The following CHDH variants were observed in gnomAD, a reference collection of about 807,000 sequenced individuals.
CHDH encodes choline dehydrogenase.
Under a neutral mutation model 56.9 loss-of-function variants are expected in CHDH, and 43 were observed. The ratio of observed to expected loss-of-function variants is 0.76; its 90% confidence interval spans 0.59 to 0.97. CHDH has a LOEUF of 0.97. Ranked by LOEUF, CHDH falls within the 50% of genes least tolerant of loss-of-function variation. CHDH has a pLI of 0.00. For missense variants in CHDH, 816 were observed against 821.1 expected, an observed-to-expected ratio of 0.99 and a Z score of 0.08; for synonymous variants, 364 against 348.5, an observed-to-expected ratio of 1.04 and a Z score of -0.50.
Position 53,819,479 on chromosome 3 carries a change from T to G in CHDH, c.1263+53A>C. The G allele has an allele frequency of 6.4e-7, 1 of 1,559,010 alleles. No individual in the cohort carries two copies. Among genetic ancestry groups the G allele is most frequent in the South Asian group, 1.2e-5 (1 of 81,662 alleles). On this transcript the variant is annotated intron_variant, in intron 7 of 8. Coordinates refer to ENST00000315251, the MANE Select transcript of CHDH (RefSeq NM_018397.5). This position sits in a 1 kb window ranked among gnomAD's most constrained non-coding sequence, Gnocchi z 5.4. ...GCCTTGGAAGATGGGAGCATCTTCC[T>G]TCCTGGTGGGAAGGAGACATCCTGG... is the stretch of plus-strand genomic sequence containing the variant.
At position 53,821,613 on chromosome 3, in the gene CHDH, C is replaced by T. The variant is rs1559749609; in HGVS notation, c.985+34G>A. 2.5e-6 allele frequency: 4 copies of T among 1,599,472 alleles called. No individual in the cohort carries two copies. In the East Asian group the frequency reaches 8.9e-5, roughly 36 times the overall value. On this transcript the variant is annotated intron_variant, in intron 5 of 8. Transcript: ENST00000315251. ...CACTAAGCCTTTTGTTGAGCAGAGA[C>T]AGCCTCTGGGGAGCAGTAAAGAAGG...
At chr3:53,836,978 T>C (rs547126483) in intron 2 of CHDH, among the ~76,000 whole-genome samples, 12 of 152,136 alleles carry the variant, frequency 7.9e-5, no homozygotes, top group East Asian at 1.9e-4. Flanking sequence ...AGTTGAGGAG[T>C]TGAAGACCAG....
rs1203860489 is a variant in CHDH, at chr3:53,819,693, T to A, written c.1121-19A>T. On this transcript the variant is annotated intron_variant, in intron 6 of 8. Coordinates refer to ENST00000315251, the MANE Select transcript of CHDH (RefSeq NM_018397.5). The surrounding 1 kb of genome is among the most constrained non-coding windows in gnomAD (Gnocchi z 5.4). ...CCCTCCCCTGAGAAGCAGAAGAGGA[T>A]GAGGCAGAAGAGCCAGTCAGGCCGT... 1.9e-6 allele frequency: 3 copies of A among 1,575,378 alleles called. No individual in the cohort carries two copies. The South Asian group carries it at 3.5e-5, about 18-fold the overall frequency.
chr3:53,835,566 T>G (rs978959576), intron 2 of CHDH, among the ~76,000 whole-genome samples: 3 of 152,200 alleles, frequency 2.0e-5, no homozygotes, highest in Non-Finnish European at 1.5e-5. Context: ...TCACCTGCTT[T>G]TTTCCATCTG....
intron 2 of CHDH, among the ~76,000 whole-genome samples, chr3:53,826,310 T>C (rs72982055): frequency 0.02 from 2,645 of 135,410 alleles, 94 homozygotes; most frequent in African/African-American, 0.088. Flanking sequence ...ACAAAGACAT[T>C]ACAATAAAAA....
chr3:53,827,257 C>T (rs1366508643), intron 2 of CHDH, among the ~76,000 whole-genome samples: 4 of 152,210 alleles, frequency 2.6e-5, no homozygotes, highest in Admixed American at 2.0e-4. Context: ...TGTTTATAAG[C>T]GTGTGGCACC....
intron 8 of CHDH, 43 bp from the exon 9 acceptor site, chr3:53,818,238 G>T: frequency 6.6e-7 from 1 of 1,514,578 alleles, no homozygotes. Flanking sequence ...CCTTTTGCCC[G>T]TGCTGGCCTC....
At chr3:53,818,370 T>TA (rs1273492737) in intron 8 of CHDH, among the ~76,000 whole-genome samples, 175 bp from the exon 9 acceptor site, 2 of 152,182 alleles carry the variant, frequency 1.3e-5, no homozygotes, top group Non-Finnish European at 2.9e-5. Flanking sequence ...CACAGCGGGT[T>TA]AGACTGTACC....
At chr3:53,827,479 A>G (rs781446053) in intron 2 of CHDH, among the ~76,000 whole-genome samples, 123 of 145,656 alleles carry the variant, frequency 8.4e-4, no homozygotes, top group Admixed American at 2.4e-3. Context: ...TAAATATACC[A>G]TCTCTAAAAA....
At chr3:53,827,972 A>C (rs7647880) in intron 2 of CHDH, among the ~76,000 whole-genome samples, 51,986 of 151,994 alleles carry the variant, frequency 0.34, 14,584 homozygotes, top group African/African-American at 0.74. Context: ...ACTGACACTA[A>C]CCAACTTCAA....
At chr3:53,827,450 T>C (rs967821203) in intron 2 of CHDH, among the ~76,000 whole-genome samples, 1 of 151,952 alleles carries the variant, frequency 6.6e-6, no homozygotes. Flanking sequence ...TAGTTCTTTA[T>C]AGCAATGAGA....
At chr3:53,841,745 C>T (rs1559765197) in intron 1 of CHDH, among the ~76,000 whole-genome samples, 1 of 152,240 alleles carries the variant, frequency 6.6e-6, no homozygotes, top group Non-Finnish European at 1.5e-5. Flanking sequence ...TAGTGTAAGA[C>T]ATCAACCTGC....
At chr3:53,844,741 C>G in intron 1 of CHDH, 1 of 152,346 alleles carries the variant, frequency 6.6e-6, no homozygotes, top group East Asian at 1.9e-4. Context: ...TGAATGGCTG[C>G]CTGCTCGCTC....
In CHDH at chr3:53,819,741, G is replaced by C. The variant is rs2095622614; in HGVS notation, c.1121-67C>G. 62 of 1,470,136 alleles carry C rather than the reference G, an allele frequency of 4.2e-5. 4 individuals are homozygous for C. The South Asian group carries it at 8.7e-4, about 21-fold the overall frequency. 91.1% of individuals were successfully genotyped at this position (1,470,136 alleles called of 1,614,324 possible). On this transcript the variant is annotated intron_variant, in intron 6 of 8. Coordinates refer to ENST00000315251, the MANE Select transcript of CHDH (RefSeq NM_018397.5). The surrounding 1 kb of genome is among the most constrained non-coding windows in gnomAD (Gnocchi z 5.4). ...CGTGGCAGGTGGGCCGGCTGCTCCT[G>C]GTTTCCCTCCTTTCTCCTGGCCGCT...
intron 2 of CHDH, among the ~76,000 whole-genome samples, chr3:53,837,855 C>G (rs1027060881): frequency 1.3e-5 from 2 of 152,012 alleles, no homozygotes; most frequent in Non-Finnish European, 2.9e-5. Context: ...GTCAGGAGTT[C>G]AAGACCAGCC....
intron 3 of CHDH, 129 bp downstream of exon 3, chr3:53,823,177 T>C (rs1016085024): frequency 4.9e-6 from 4 of 823,724 alleles, no homozygotes; most frequent in Non-Finnish European, 5.5e-6. Context: ...CTCTTCCCGG[T>C]CGTGCCAGCC....
chr3:53,815,781 G>A lies in CHDH; in HGVS notation c.*1996C>T, dbSNP rs935940839. On this transcript the variant is annotated 3_prime_UTR_variant, in exon 9 of 9. Coordinates refer to ENST00000315251, the MANE Select transcript of CHDH (RefSeq NM_018397.5). ...CATGGTTGGTCCAGGACTATCCCCT[G>A]CCCCTGAATCCACACACGCTCCAGC... The A allele has an allele frequency of 1.3e-5, 2 of 152,184 alleles. No individual in the cohort carries two copies. Among genetic ancestry groups the A allele is most frequent in the African/African-American group, 4.8e-5 (2 of 41,418 alleles). The allele number at this position is 152,184 out of a possible 1,614,324, so 9.4% of individuals were successfully genotyped here. A position where few individuals can be genotyped will look rare whatever the true frequency, so the allele number is the denominator to read the frequency against.
chr3:53,822,661 T>A lies in CHDH; in HGVS notation c.704-19A>T, dbSNP rs758031522. ...CGTTTGCCTGCAGGATGGAGTGAGG[T>A]GGTCAGGCATGGCTCCGCCCTCCCC... On this transcript the variant is annotated intron_variant, in intron 3 of 8. Transcript: ENST00000315251. The A allele has an allele frequency of 3.7e-6, 6 of 1,600,434 alleles. No individual in the cohort carries two copies. In the South Asian group the frequency reaches 6.6e-5, roughly 18 times the overall value.
At chr3:53,831,312 T>A (rs2106972994) in intron 2 of CHDH, among the ~76,000 whole-genome samples, 1 of 152,380 alleles carries the variant, frequency 6.6e-6, no homozygotes, top group African/African-American at 2.4e-5. Flanking sequence ...AGCATCTCTA[T>A]CTGCCCGGGG....
Sources: gnomAD v4.1 joint callset for allele counts (sites outside exome capture counted in the v4.1 genomes callset) on GRCh38, gnomAD v4.1.1 for gene constraint, Gnocchi (gnomAD v3.1) non-coding constraint, MANE v1.5 for transcripts, NCBI Gene and HGNC (gene_info 2026-07-23, HGNC 2026-07-21) for gene names.